Variants in CCDC38 observed in about 807,000 individuals in gnomAD.
The protein encoded by CCDC38 is coiled-coil domain containing 38.
CCDC38 carries 69 observed loss-of-function variants against 72.8 expected under a neutral mutation model. The observed-to-expected ratio is 0.95, with a 90% CI of 0.78 to 1.16. The LOEUF (loss-of-function observed/expected upper bound fraction) is 1.16. Ranked by LOEUF, CCDC38 falls within the 50% of genes most tolerant of loss-of-function variation. The pLI is 0.00. For synonymous variants in CCDC38, 201 were observed against 213.2 expected (o/e 0.94, Z 0.50); for missense variants, 626 against 638.9 (o/e 0.98, Z 0.22).
At chr12:95,908,281 G>A (rs1488245680) in intron 4 of CCDC38, among the ~76,000 whole-genome samples, 19 of 151,326 alleles carry the variant, frequency 1.3e-4, no homozygotes, top group South Asian at 6.3e-4. Flanking sequence ...CCAACACAGC[G>A]AAACCCCGTC....
At chr12:95,873,717 C>T (rs936481338) in intron 13 of CCDC38, among the ~76,000 whole-genome samples, 2 of 152,152 alleles carry the variant, frequency 1.3e-5, no homozygotes, top group African/African-American at 2.4e-5. Flanking sequence ...ATAAAGCCAG[C>T]GACAAATAAC....
intron 2 of CCDC38, among the ~76,000 whole-genome samples, chr12:95,929,570 A>C (rs904221455): frequency 3.3e-5 from 5 of 152,152 alleles, no homozygotes; most frequent in Non-Finnish European, 7.3e-5. Flanking sequence ...CTCCCCTGCA[A>C]GTGTCTTAAA....
chr12:95,887,384 A>T (rs2079771586), intron 10 of CCDC38, among the ~76,000 whole-genome samples: 3 of 152,214 alleles, frequency 2.0e-5, no homozygotes, highest in Non-Finnish European at 4.4e-5. Context: ...AAATAGTTAA[A>T]CTGTAGCACG....
At chr12:95,928,448 T>A (rs1046480326) in intron 2 of CCDC38, among the ~76,000 whole-genome samples, 6 of 152,224 alleles carry the variant, frequency 3.9e-5, no homozygotes, top group African/African-American at 1.4e-4. Context: ...TTCTAAACTT[T>A]TTTCAAAGTT....
chr12:95,893,635 C>T (rs1324360528), intron 8 of CCDC38, among the ~76,000 whole-genome samples: 3 of 151,904 alleles, frequency 2.0e-5, no homozygotes, highest in Non-Finnish European at 2.9e-5. Flanking sequence ...GTGTGCATCA[C>T]CACGCCCAGC....
intron 13 of CCDC38, among the ~76,000 whole-genome samples, chr12:95,873,579 T>C (rs1023034482): frequency 3.3e-5 from 5 of 152,224 alleles, no homozygotes; most frequent in Non-Finnish European, 4.4e-5. Context: ...ATTGTCATCC[T>C]CTGTCTCCAT....
rs1592761236 is a variant in CCDC38 at position 95,884,119 on chromosome 12, A to C, written c.921-2565T>G. Among the ~76,000 whole-genome samples, 4 of 152,370 alleles carry C rather than the reference A, an allele frequency of 2.6e-5. No homozygotes were observed. The South Asian group carries it at 8.3e-4, about 32-fold the overall frequency. Reference sequence around the variant, plus strand: ...GCAAGAAAAAGAGATAAAAGGCATAAAGATCAGAAAGGAAGAAATAAAGCT... The same window carrying C: ...GCAAGAAAAAGAGATAAAAGGCATACAGATCAGAAAGGAAGAAATAAAGCT... On this transcript the variant is annotated intron_variant, in intron 10 of 15. Coordinates refer to ENST00000344280, the MANE Select transcript of CCDC38 (RefSeq NM_182496.3).
chr12:95,923,539 T>TAAAAA (rs2080232160), intron 2 of CCDC38, among the ~76,000 whole-genome samples: 1 of 152,074 alleles, frequency 6.6e-6, no homozygotes, highest in Admixed American at 6.6e-5. Context: ...TGTCTTTTTT[T>TAAAAA]TTTTAATTTA....
chr12:95,923,334 G>T (rs565178340), intron 2 of CCDC38, among the ~76,000 whole-genome samples: 23 of 152,082 alleles, frequency 1.5e-4, no homozygotes, highest in African/African-American at 5.5e-4. Flanking sequence ...TAATACAGTG[G>T]TGTTTACAGA....
rs1466967604 is a variant in CCDC38 at position 95,937,552 on chromosome 12, G to A, written c.-14-1029C>T. ...AAGATATATTCATTTTGGGGATAAA[G>A]GACACCCAGGAGTTTATATTTAAAA... On this transcript the variant is annotated intron_variant, in intron 1 of 15. Transcript: ENST00000344280. 1.3e-5 allele frequency among the ~76,000 whole-genome samples: 2 copies of A among 152,106 alleles called. 1 individual carries two copies. The highest frequency in any genetic ancestry group is 4.1e-4 in the South Asian group (2 of 4,830).
intron 15 of CCDC38, among the ~76,000 whole-genome samples, chr12:95,868,578 T>C (rs1256268950): frequency 1.3e-5 from 2 of 152,220 alleles, no homozygotes; most frequent in Non-Finnish European, 2.9e-5. Flanking sequence ...TCTTACCTCT[T>C]GAGGTTAGTT....
At chr12:95,890,030 A>G (rs765681777) in intron 9 of CCDC38, among the ~76,000 whole-genome samples, 14 of 151,506 alleles carry the variant, frequency 9.2e-5, no homozygotes, top group Non-Finnish European at 1.5e-5. Context: ...TCCTACCTCA[A>G]CCTCCTCAGC....
chr12:95,910,302 TACACACACACACACAC>T (rs141853582), intron 4 of CCDC38, among the ~76,000 whole-genome samples: 1 of 148,314 alleles, frequency 6.7e-6, no homozygotes, highest in Non-Finnish European at 1.5e-5. Context: ...CCATTTACAT[TACACACACACACACAC>T]ACACACACAC....
rs149017568 is a variant in CCDC38 at position 95,917,278 on chromosome 12, C to A, written c.155G>T (p.Arg52Leu). The A allele has an allele frequency of 5.0e-6, 8 of 1,594,466 alleles. No homozygotes were observed. The East Asian group carries it at 1.6e-4, about 32-fold the overall frequency. Residue 52 changes from arginine (R) to leucine (L), a missense_variant, in exon 4 of 16, where the codon CGT becomes CTT. Transcript: ENST00000344280. The stretch of plus-strand genomic sequence containing the variant: ...AGTTTTCTGGTAGACTTTCATGTTA[C>A]GGTTCATAAATTTTTCCTGCCCAAG... ...AAKETEKFMN[R>L]NMKVYQKTTF...
chr12:95,914,090 G>A (rs1158653620), intron 4 of CCDC38, among the ~76,000 whole-genome samples: 2 of 152,214 alleles, frequency 1.3e-5, no homozygotes, highest in Non-Finnish European at 2.9e-5. Context: ...TTGGGAGACC[G>A]AGGCAGGTGG....
chr12:95,887,626 G>A (rs10859973), intron 10 of CCDC38, among the ~76,000 whole-genome samples: 19,674 of 152,104 alleles, frequency 0.13, 1,451 homozygotes, highest in South Asian at 0.25. Flanking sequence ...AGTGGGTGTG[G>A]CTCTGAAAGG....
At chr12:95,939,727 G>A (rs914445081) in intron 1 of CCDC38, among the ~76,000 whole-genome samples, 7 of 152,216 alleles carry the variant, frequency 4.6e-5, no homozygotes, top group African/African-American at 1.7e-4. Flanking sequence ...AGGGACATGG[G>A]TGTAATGTAT....
At chr12:95,878,400 A>T in intron 12 of CCDC38, 54 bp from the exon 13 acceptor site, 1 of 1,559,266 alleles carries the variant, frequency 6.4e-7, no homozygotes, top group African/African-American at 1.4e-5. Context: ...TAGTGAAATA[A>T]CCATCAGTCA....
chr12:95,916,185 T>C (rs1380487070), intron 4 of CCDC38, among the ~76,000 whole-genome samples: 8 of 152,358 alleles, frequency 5.3e-5, no homozygotes, highest in African/African-American at 1.7e-4. Flanking sequence ...TATCATTTGC[T>C]GCTTTTACAT....
Sources: allele counts gnomAD v4.1 joint callset (sites outside exome capture counted in the v4.1 genomes callset), GRCh38; gene constraint gnomAD v4.1.1; transcripts MANE v1.5; gene names NCBI Gene and HGNC (gene_info 2026-07-23, HGNC 2026-07-21).